Variants in FGR observed in about 807,000 individuals in gnomAD.
FGR encodes tyrosine-protein kinase Fgr.
In FGR, 26 loss-of-function variants were observed where a neutral mutation model predicts 63.2. That is an observed-to-expected ratio of 0.41 (90% CI 0.30 to 0.57). The LOEUF (loss-of-function observed/expected upper bound fraction) is 0.57. FGR is among the 20% of genes least tolerant of loss of function. FGR has a pLI of 0.27. For missense variants in FGR, 511 were observed against 690.8 expected (o/e 0.74, Z 2.92); for synonymous variants, 286 against 277.7 (o/e 1.03, Z -0.30).
intron 1 of FGR, among the ~76,000 whole-genome samples, chr1:27,634,834 G>A (rs1285988766): frequency 6.6e-6 from 1 of 151,366 alleles, no homozygotes; most frequent in Non-Finnish European, 1.5e-5. Context: ...GGCTTCCCCC[G>A]TGCTCCCCTC....
Position 27,623,859 on chromosome 1 carries a change from C to A in FGR, c.58G>T (p.Gly20Cys). The change falls in exon 3 of 13, where the codon GGC becomes TGC. Residue 20 changes from glycine to cysteine, a missense_variant. Physicochemically the swap from Gly to Cys is radical, Grantham distance 159. Transcript: ENST00000374005. ...EPVATAKEDA[G>C]LEGDFRSYGA... ...TAGCTTCTGAAGTCCCCTTCCAGGCCAGCATCCTCCTTGGCCGTGGCCACC... is the reference window on the plus strand; with the variant it reads ...TAGCTTCTGAAGTCCCCTTCCAGGCAAGCATCCTCCTTGGCCGTGGCCACC... 1.2e-6 allele frequency: 2 copies of A among 1,611,880 alleles called. No individual in the cohort carries two copies. Among genetic ancestry groups the A allele is most frequent in the Non-Finnish European group, 1.7e-6 (2 of 1,178,168 alleles).
At chr1:27,633,537 G>A (rs1163514422) in intron 1 of FGR, among the ~76,000 whole-genome samples, 1 of 152,222 alleles carries the variant, frequency 6.6e-6, no homozygotes, top group Admixed American at 6.5e-5. Flanking sequence ...CTGTCAGTGA[G>A]AGCCGGGCAG....
rs3076985 is a variant in FGR, at chr1:27,627,447, A to AACACAC, written c.-76-2302_-76-2297dup. Among the ~76,000 whole-genome samples, 1,246 of 148,476 alleles carry AACACAC rather than the reference A, an allele frequency of 8.4e-3. 15 individuals carry two copies. The highest frequency in any genetic ancestry group is 0.029 in the African/African-American group (1,185 of 40,466). On this transcript the variant is annotated intron_variant, in intron 1 of 12. Transcript: ENST00000374005. ...CTGCACATAGATGTGCATGCACATG[A>AACACAC]ACACACACACACACACACACACACA...
At position 27,613,286 on chromosome 1, in the gene FGR, C is replaced by T. The variant is rs1341016024; in HGVS notation, c.1314G>A (p.Lys438=). 1 of 1,614,152 alleles carries T rather than the reference C, an allele frequency of 6.2e-7. No homozygotes were observed. Reference sequence around the variant, plus strand: ...GGATCCCAAAGGACCACACGTCTGACTTGATGGTGAATCTGCCAAAGAGGG... The same window carrying T: ...GGATCCCAAAGGACCACACGTCTGATTTGATGGTGAATCTGCCAAAGAGGG... ...EAALFGRFTI[K]SDVWSFGILL... The change falls in exon 12 of 13, where the codon AAG becomes AAA. Residue 438 remains lysine (K), a synonymous_variant. Coordinates refer to ENST00000374005, the MANE Select transcript of FGR (RefSeq NM_005248.3).
intron 1 of FGR, among the ~76,000 whole-genome samples, chr1:27,634,248 G>A (rs1344183661): frequency 6.6e-6 from 1 of 152,240 alleles, no homozygotes; most frequent in African/African-American, 2.4e-5. Context: ...CAGGATTTCC[G>A]TCGGGGCGGC....
rs747291027 is a variant in FGR, at chr1:27,615,815, T to TGA, written c.710_711dup (p.Ile238SerfsTer8). ...GGCTTCATGATGGTGCAGGGCGCGA[T>TGA]GAGCAGGTTGCACAGCCCGTCATTC... On this transcript the variant is annotated frameshift_variant, in exon 8 of 13. Transcript: ENST00000374005. LOFTEE classifies it high-confidence loss of function. This position sits in a 1 kb window ranked among gnomAD's most constrained non-coding sequence, Gnocchi z 7.6. 1 of 1,597,550 alleles carries TGA rather than the reference T, an allele frequency of 6.3e-7. No individual in the cohort carries two copies. The highest frequency in any genetic ancestry group is 1.1e-5 in the South Asian group (1 of 88,468).
rs970316074 is a variant in FGR at position 27,616,788 on chromosome 1, G to A, written c.682+69C>T. On this transcript the variant is annotated intron_variant, in intron 7 of 12. Transcript: ENST00000374005. This position sits in a 1 kb window ranked among gnomAD's most constrained non-coding sequence, Gnocchi z 4.3. ...GCTTGGTAGTCCCTTCCCTTCTCTG[G>A]GCCTCAGTTCCCCCATCTGGACAAT... 1 of 1,547,140 alleles carries A rather than the reference G, an allele frequency of 6.5e-7. No homozygotes were observed. Among genetic ancestry groups the A allele is most frequent in the African/African-American group, 1.4e-5 (1 of 73,582 alleles).
intron 1 of FGR, among the ~76,000 whole-genome samples, chr1:27,634,637 C>G (rs935374667): frequency 6.6e-6 from 1 of 152,010 alleles, no homozygotes; most frequent in South Asian, 2.1e-4. Flanking sequence ...ACCCATTTCC[C>G]CTCTCCTGGA....
Position 27,615,932 on chromosome 1 carries a change from T to C in FGR, c.683-88A>G. ...CCTATCCCAGCCTGGTGCCAGACCC[T>C]AAGATCAGTTATAAGGAACTAGGCC... On this transcript the variant is annotated intron_variant, in intron 7 of 12. Transcript: ENST00000374005. This position sits in a 1 kb window ranked among gnomAD's most constrained non-coding sequence, Gnocchi z 7.6. The C allele has an allele frequency of 7.2e-7, 1 of 1,392,112 alleles. No homozygotes were observed. The highest frequency in any genetic ancestry group is 9.6e-7 in the Non-Finnish European group (1 of 1,039,878). 86.2% of individuals were successfully genotyped at this position (1,392,112 alleles called of 1,614,324 possible).
chr1:27,616,649 A>G lies in FGR; in HGVS notation c.682+208T>C, dbSNP rs1053008387. Among the ~76,000 whole-genome samples the G allele has an allele frequency of 6.6e-6, 1 of 152,214 alleles. No individual in the cohort carries two copies. Among genetic ancestry groups the G allele is most frequent in the African/African-American group, 2.4e-5 (1 of 41,446 alleles). ...CAAGAAACTGGCCAATGCCTTGCTC[A>G]GTCATTAGGGGGTGCTGCTTGGTGA... On this transcript the variant is annotated intron_variant, in intron 7 of 12. Transcript: ENST00000374005. This position sits in a 1 kb window ranked among gnomAD's most constrained non-coding sequence, Gnocchi z 4.3.
At chr1:27,634,303 G>A (rs551691268) in intron 1 of FGR, among the ~76,000 whole-genome samples, 2 of 152,264 alleles carry the variant, frequency 1.3e-5, no homozygotes, top group Non-Finnish European at 2.9e-5. Context: ...AGACCGCCGC[G>A]GGCGCGGAGG....
intron 1 of FGR, among the ~76,000 whole-genome samples, chr1:27,633,891 A>G (rs749665591): frequency 6.6e-6 from 1 of 152,230 alleles, no homozygotes; most frequent in Non-Finnish European, 1.5e-5. Context: ...TCGTGGGGGA[A>G]GAGTGGACAC....
chr1:27,630,563 G>C (rs368481175), intron 1 of FGR, among the ~76,000 whole-genome samples: 47 of 149,618 alleles, frequency 3.1e-4, no homozygotes, highest in Admixed American at 1.4e-3. Flanking sequence ...GGGCGCAGGT[G>C]GGGGGAGGGA....
At chr1:27,624,219 T>C (rs1006412054) in intron 2 of FGR, among the ~76,000 whole-genome samples, 1 of 152,240 alleles carries the variant, frequency 6.6e-6, no homozygotes, top group Non-Finnish European at 1.5e-5. Flanking sequence ...TGCATATTTT[T>C]GCCTCCTATT....
chr1:27,629,447 G>A (rs1356748304), intron 1 of FGR, among the ~76,000 whole-genome samples: 1 of 151,642 alleles, frequency 6.6e-6, no homozygotes, highest in Admixed American at 6.6e-5. Context: ...AGGAGAAAGA[G>A]TAATCAAGAG....
rs2089973773 is a variant in FGR at position 27,623,836 on chromosome 1, G to T, written c.81C>A (p.Ser27Arg). ...EDAGLEGDFRSYGAADHYGPD... is the reference protein window; with the variant it reads ...EDAGLEGDFRRYGAADHYGPD... The stretch of plus-strand genomic sequence containing the variant: ...GCCCATAGTGGTCTGCTGCCCCGTA[G>T]CTTCTGAAGTCCCCTTCCAGGCCAG... The change falls in exon 3 of 13, where the codon AGC (serine) becomes AGA (arginine). Residue 27 changes from serine (S) to arginine (R), a missense_variant. Coordinates refer to ENST00000374005, the MANE Select transcript of FGR (RefSeq NM_005248.3). The T allele has an allele frequency of 6.2e-7, 1 of 1,613,898 alleles. No individual in the cohort carries two copies. The highest frequency in any genetic ancestry group is 1.3e-5 in the African/African-American group (1 of 74,930).
In FGR at chr1:27,615,859, A is replaced by G. The variant is rs961608668; in HGVS notation, c.683-15T>C. On this transcript the variant is annotated splice_polypyrimidine_tract_variant and intron_variant, in intron 7 of 12. Coordinates refer to ENST00000374005, the MANE Select transcript of FGR (RefSeq NM_005248.3). This position sits in a 1 kb window ranked among gnomAD's most constrained non-coding sequence, Gnocchi z 7.6. ...GTCATTCACCTCTAGGGGAGGGGTC[A>G]TGAAGTAGAGTCACAGGTGGGCCAG... 13 of 1,564,200 alleles carry G rather than the reference A, an allele frequency of 8.3e-6. No homozygotes were observed. The African/African-American group carries it at 1.6e-4, about 20-fold the overall frequency.
chr1:27,624,793 T>A (rs1227679094), intron 2 of FGR, among the ~76,000 whole-genome samples: 1 of 152,102 alleles, frequency 6.6e-6, no homozygotes, highest in African/African-American at 2.4e-5. Context: ...GCAGTGTGCC[T>A]GTCTCTGGAT....
intron 1 of FGR, among the ~76,000 whole-genome samples, chr1:27,631,138 C>A (rs2090099239): frequency 6.6e-6 from 1 of 152,202 alleles, no homozygotes; most frequent in South Asian, 2.1e-4. Flanking sequence ...CACAGCCAGA[C>A]AAGGGATTCA....
Sources: gnomAD v4.1 joint callset for allele counts (sites outside exome capture counted in the v4.1 genomes callset) on GRCh38, gnomAD v4.1.1 for gene constraint, Gnocchi (gnomAD v3.1) non-coding constraint, MANE v1.5 for transcripts, NCBI Gene and HGNC (gene_info 2026-07-23, HGNC 2026-07-21) for gene names.